The following SRPK2 variants were observed in gnomAD, a reference collection of about 807,000 sequenced individuals.
SRPK2 encodes the protein SRSF protein kinase 2.
A neutral mutation model predicts 90.8 loss-of-function variants in SRPK2; 21 were observed. The ratio of observed to expected loss-of-function variants is 0.23; its 90% confidence interval spans 0.16 to 0.33. SRPK2 has a LOEUF of 0.33. Ranked by LOEUF, SRPK2 falls within the 10% of genes least tolerant of loss-of-function variation. The pLI, the probability that SRPK2 is intolerant of heterozygous loss-of-function variation, is 1.00. For synonymous variants in SRPK2, 288 were observed against 311.1 expected, an observed-to-expected ratio of 0.93 and a Z score of 0.78; for missense variants, 620 against 869.0, an observed-to-expected ratio of 0.71 and a Z score of 3.60.
intron 3 of SRPK2, among the ~76,000 whole-genome samples, chr7:105,176,539 G>A (rs190923955): frequency 8.8e-4 from 133 of 151,712 alleles, no homozygotes; most frequent in Non-Finnish European, 1.4e-3. Flanking sequence ...CCACAGAGAT[G>A]TATGTGGTTT....
At chr7:105,215,985 G>C (rs1171568771) in intron 2 of SRPK2, among the ~76,000 whole-genome samples, 1 of 149,604 alleles carries the variant, frequency 6.7e-6, no homozygotes, top group Non-Finnish European at 1.5e-5. Context: ...GAGCTCAGGA[G>C]TTCAAGGCTA....
intron 3 of SRPK2, among the ~76,000 whole-genome samples, chr7:105,174,082 TAAA>T (rs11406138): frequency 7.4e-6 from 1 of 134,980 alleles, no homozygotes; most frequent in African/African-American, 2.8e-5. Context: ...CTGTCTCTAA[TAAA>T]AAAAAAAAAA....
intron 2 of SRPK2, among the ~76,000 whole-genome samples, chr7:105,327,067 CAAAAAAAA>C (rs11350866): frequency 2.9e-4 from 36 of 123,314 alleles, no homozygotes; most frequent in Admixed American, 8.6e-4. Flanking sequence ...AACTCCGTAT[CAAAAAAAA>C]AAAAAAAAAA....
chr7:105,254,628 G>C (rs367750712), intron 2 of SRPK2, among the ~76,000 whole-genome samples: 3 of 151,916 alleles, frequency 2.0e-5, no homozygotes, highest in Non-Finnish European at 4.4e-5. Flanking sequence ...TGGATTGTAC[G>C]GTTGGTGATG....
intron 2 of SRPK2, among the ~76,000 whole-genome samples, chr7:105,323,147 G>A (rs1001898645): frequency 1.1e-4 from 16 of 151,878 alleles, no homozygotes; most frequent in Admixed American, 3.9e-4. Context: ...CCAAGATGGC[G>A]CCACCACACT....
intron 13 of SRPK2, among the ~76,000 whole-genome samples, chr7:105,128,979 AT>A (rs1310100722): frequency 1.3e-5 from 2 of 151,896 alleles, no homozygotes; most frequent in African/African-American, 4.8e-5. Context: ...CAATGAAATA[AT>A]TTTTTTTTGA....
intron 2 of SRPK2, among the ~76,000 whole-genome samples, chr7:105,261,694 T>A (rs1210584721): frequency 6.6e-6 from 1 of 152,116 alleles, no homozygotes; most frequent in African/African-American, 2.4e-5. Context: ...AAAATGCAAA[T>A]GAACATTATT....
At chr7:105,271,593 C>T (rs1057273708) in intron 2 of SRPK2, among the ~76,000 whole-genome samples, 4 of 152,134 alleles carry the variant, frequency 2.6e-5, no homozygotes, top group African/African-American at 9.7e-5. Flanking sequence ...AACTGATTTC[C>T]ATTCCACCAC....
chr7:105,225,232 A>G (rs1225443556), intron 2 of SRPK2, among the ~76,000 whole-genome samples: 1 of 152,234 alleles, frequency 6.6e-6, no homozygotes, highest in Non-Finnish European at 1.5e-5. Context: ...ACCACTGTCA[A>G]TAAAATCTGA....
At chr7:105,344,782 A>G (rs1276184918) in intron 2 of SRPK2, among the ~76,000 whole-genome samples, 2 of 151,556 alleles carry the variant, frequency 1.3e-5, no homozygotes, top group East Asian at 3.9e-4. Flanking sequence ...CCTCTGGGAA[A>G]TGAACAATTA....
At chr7:105,264,130 A>G (rs866090061) in intron 2 of SRPK2, among the ~76,000 whole-genome samples, 1 of 152,194 alleles carries the variant, frequency 6.6e-6, no homozygotes. Context: ...AAATATATCA[A>G]CTTAAGAGCA....
At chr7:105,162,105 G>C (rs550082055) in intron 6 of SRPK2, among the ~76,000 whole-genome samples, 1 of 152,202 alleles carries the variant, frequency 6.6e-6, no homozygotes, top group East Asian at 1.9e-4. Context: ...GCAGTGGCAC[G>C]ATCTCAGCTC....
chr7:105,363,133 A>G (rs1054965826), intron 2 of SRPK2, among the ~76,000 whole-genome samples: 1 of 152,168 alleles, frequency 6.6e-6, no homozygotes, highest in Non-Finnish European at 1.5e-5. Context: ...ACATGTATAC[A>G]TATGTAATAA....
chr7:105,157,608 C>T (rs924390527), intron 7 of SRPK2, among the ~76,000 whole-genome samples: 2 of 152,152 alleles, frequency 1.3e-5, no homozygotes, highest in Non-Finnish European at 2.9e-5. Context: ...GATGGGTTCA[C>T]ACACACAAAA....
chr7:105,382,458 A>G (rs1165244746), intron 2 of SRPK2, among the ~76,000 whole-genome samples: 1 of 148,914 alleles, frequency 6.7e-6, no homozygotes, highest in Non-Finnish European at 1.5e-5. Flanking sequence ...AGGCTAAGTC[A>G]GGAGAATCGC....
rs745533987 is a variant in SRPK2, at chr7:105,160,615, T to C, written c.515-2A>G. ...GTACTTCGAAGACCATGCAGACATC[T>C]GGGACACAGTTAAGGATCGTTTGTG... On this transcript the variant is annotated splice_acceptor_variant, in intron 6 of 15. Transcript: ENST00000393651. LOFTEE classifies it high-confidence loss of function. The C allele has an allele frequency of 4.4e-6, 7 of 1,596,560 alleles. No individual in the cohort carries two copies. Among genetic ancestry groups the C allele is most frequent in the Non-Finnish European group, 6.0e-6 (7 of 1,164,114 alleles).
At chr7:105,256,069 C>A (rs746584210) in intron 2 of SRPK2, among the ~76,000 whole-genome samples, 3 of 152,136 alleles carry the variant, frequency 2.0e-5, no homozygotes, top group Non-Finnish European at 4.4e-5. Flanking sequence ...CAGTGTTTGG[C>A]ATGCCTCAAA....
chr7:105,389,119 C>G (rs2132875158), upstream of SRPK2: 1 of 989,208 alleles, frequency 1.0e-6, no homozygotes. Context: ...TCGGCCTCCC[C>G]CACCCCAGCC....
intron 2 of SRPK2, among the ~76,000 whole-genome samples, chr7:105,342,900 G>A (rs1313599111): frequency 1.3e-5 from 2 of 152,148 alleles, no homozygotes; most frequent in Admixed American, 1.3e-4. Context: ...GCCAAAAAGA[G>A]GCAAAGGAAT....
Sources: gnomAD v4.1 joint callset for allele counts (sites outside exome capture counted in the v4.1 genomes callset) on GRCh38, gnomAD v4.1.1 for gene constraint, MANE v1.5 for transcripts, NCBI Gene and HGNC (gene_info 2026-07-23, HGNC 2026-07-21) for gene names.